NTRK3: variants seen among roughly 807,000 people sequenced by gnomAD.
NTRK3 encodes NT-3 growth factor receptor.
In NTRK3, 24 loss-of-function variants were observed where a neutral mutation model predicts 91.7. That is an observed-to-expected ratio of 0.26 (90% CI 0.19 to 0.37). The LOEUF is 0.37. NTRK3 is among the 10% of genes least tolerant of loss of function. NTRK3 has a pLI of 1.00. For missense variants in NTRK3, 880 were observed against 1,068.9 expected (o/e 0.82, Z 2.46); for synonymous variants, 483 against 404.0 (o/e 1.20, Z -2.34).
rs1488730988 is a variant in NTRK3, at chr15:88,088,374, G to A, written c.1396+37897C>T. Among the ~76,000 whole-genome samples, 4 of 152,134 alleles carry A rather than the reference G, an allele frequency of 2.6e-5. No individual in the cohort carries two copies. In the East Asian group the frequency reaches 7.7e-4, roughly 29 times the overall value. ...AACTTCAGAGGCATGAGATGTTTTT[G>A]CTCATCCTTTTGCCCCTGCACTCTG... On this transcript the variant is annotated intron_variant, in intron 13 of 18. Coordinates refer to ENST00000394480, the Ensembl canonical transcript of NTRK3.
chr15:88,027,729 C>A (rs1555470662), intron 14 of NTRK3, among the ~76,000 whole-genome samples: 1 of 152,168 alleles, frequency 6.6e-6, no homozygotes, highest in Non-Finnish European at 1.5e-5. Context: ...TCTGACACAT[C>A]TTAGTTAGCA....
At chr15:88,071,029 T>C (rs1597127262) in intron 13 of NTRK3, among the ~76,000 whole-genome samples, 1 of 152,232 alleles carries the variant, frequency 6.6e-6, no homozygotes, top group South Asian at 2.1e-4. Flanking sequence ...TTTTTTCTCT[T>C]GCTGTAGTAA....
chr15:88,182,433 A>C (rs1225322625), intron 5 of NTRK3, among the ~76,000 whole-genome samples: 1 of 152,070 alleles, frequency 6.6e-6, no homozygotes, highest in Non-Finnish European at 1.5e-5. Context: ...TCTCCAGCCC[A>C]GCTGCCCTCC....
intron 3 of NTRK3, among the ~76,000 whole-genome samples, chr15:88,232,869 G>A (rs1289698518): frequency 1.3e-5 from 2 of 152,110 alleles, no homozygotes; most frequent in Non-Finnish European, 1.5e-5. Flanking sequence ...GTGGAGTGAT[G>A]TCACTACCCC....
intron 13 of NTRK3, among the ~76,000 whole-genome samples, chr15:88,107,420 G>A (rs1049521381): frequency 9.2e-5 from 14 of 152,312 alleles, no homozygotes; most frequent in African/African-American, 3.1e-4. Context: ...TCCAGCCTGG[G>A]TGACAGAGTG....
At chr15:87,886,433 A>G (rs765732382) in intron 17 of NTRK3, among the ~76,000 whole-genome samples, 1 of 151,512 alleles carries the variant, frequency 6.6e-6, no homozygotes, top group Non-Finnish European at 1.5e-5. Flanking sequence ...AAAAGAATAT[A>G]GTAGAGCTAT....
intron 5 of NTRK3, among the ~76,000 whole-genome samples, chr15:88,160,023 A>G (rs549418777): frequency 6.7e-6 from 1 of 149,702 alleles, no homozygotes; most frequent in South Asian, 2.1e-4. Flanking sequence ...TGGTGAGCCT[A>G]GAGGACGACA....
At chr15:88,247,860 C>T (rs1042731866) in intron 3 of NTRK3, among the ~76,000 whole-genome samples, 2 of 151,824 alleles carry the variant, frequency 1.3e-5, no homozygotes, top group African/African-American at 4.8e-5. Flanking sequence ...GGGGTAAGGT[C>T]GCGGGGGGAT....
intron 6 of NTRK3, among the ~76,000 whole-genome samples, chr15:88,144,562 G>GTT (rs2042704941): frequency 6.6e-6 from 1 of 152,104 alleles, no homozygotes; most frequent in Admixed American, 6.5e-5. Flanking sequence ...AAGAGAAACA[G>GTT]CCTGGTCTTT....
Position 88,074,514 on chromosome 15 carries a change from C to T in NTRK3, c.1397-41469G>A, listed in dbSNP as rs2047367218. The stretch of plus-strand genomic sequence containing the variant: ...TCCCTGTCTCTGACATCAGGCTGAT[C>T]CTGTCCCCTGGATGACTCAAGCTCC... On this transcript the variant is annotated intron_variant, in intron 13 of 18. Transcript: ENST00000394480. 7.2e-5 allele frequency among the ~76,000 whole-genome samples: 11 copies of T among 152,322 alleles called. 2 individuals are homozygous for T. In the South Asian group the frequency reaches 2.1e-3, roughly 29 times the overall value.
chr15:88,097,671 TAA>T (rs1309513999), intron 13 of NTRK3, among the ~76,000 whole-genome samples: 1 of 152,250 alleles, frequency 6.6e-6, no homozygotes, highest in Non-Finnish European at 1.5e-5. Context: ...TGATTAAATT[TAA>T]AAAGACAGAT....
At chr15:88,054,808 T>C (rs1398528066) in intron 13 of NTRK3, among the ~76,000 whole-genome samples, 2 of 152,170 alleles carry the variant, frequency 1.3e-5, no homozygotes, top group East Asian at 3.9e-4. Context: ...ATTCAACAAG[T>C]GCTTACTATG....
Position 88,226,614 on chromosome 15 carries a change from G to T in NTRK3, c.248+29292C>A, listed in dbSNP as rs567997702. 5.6e-4 allele frequency among the ~76,000 whole-genome samples: 86 copies of T among 152,320 alleles called. 2 individuals carry two copies. The highest frequency in any genetic ancestry group is 6.8e-4 in the Non-Finnish European group (46 of 68,030). On this transcript the variant is annotated intron_variant, in intron 3 of 18. Transcript: ENST00000394480. ...TCAGGCCCCCACTGCCCTCCATCCT[G>T]ACATACCAGGGGGAGCACTGAGCCA...
At chr15:88,223,737 G>A (rs899452172) in intron 3 of NTRK3, among the ~76,000 whole-genome samples, 2 of 152,166 alleles carry the variant, frequency 1.3e-5, no homozygotes, top group African/African-American at 4.8e-5. Context: ...AGGATTCAGT[G>A]GGCTACTGCA....
chr15:87,968,938 T>C (rs959332365), intron 14 of NTRK3, among the ~76,000 whole-genome samples: 2 of 152,178 alleles, frequency 1.3e-5, no homozygotes, highest in Admixed American at 6.5e-5. Flanking sequence ...TCCCCCCAGC[T>C]TTACCACCAA....
At chr15:87,860,160 A>G (rs1425788891) in exon 19 of NTRK3, 2 of 222,178 alleles carry the variant, frequency 9.0e-6, no homozygotes, top group Non-Finnish European at 1.8e-5. Context: ...TTCAACACCC[A>G]TAGATTCCGA....
At chr15:88,015,743 A>G (rs1343381660) in intron 14 of NTRK3, among the ~76,000 whole-genome samples, 1 of 152,116 alleles carries the variant, frequency 6.6e-6, no homozygotes, top group East Asian at 1.9e-4. Flanking sequence ...GCAGCATAGT[A>G]GTTGCTCCAA....
chr15:87,947,898 T>A (rs2070730197), intron 14 of NTRK3, among the ~76,000 whole-genome samples: 1 of 152,048 alleles, frequency 6.6e-6, no homozygotes, highest in Non-Finnish European at 1.5e-5. Flanking sequence ...TCTGGGTGTT[T>A]GAAGTGGCAG....
chr15:88,095,872 A>G (rs964511921), intron 13 of NTRK3, among the ~76,000 whole-genome samples: 15 of 152,200 alleles, frequency 9.9e-5, no homozygotes, highest in African/African-American at 3.6e-4. Context: ...TTACATAACC[A>G]TAACACATTA....
Sources: allele counts gnomAD v4.1 joint callset (sites outside exome capture counted in the v4.1 genomes callset), GRCh38; gene constraint gnomAD v4.1.1; transcripts MANE v1.5; gene names NCBI Gene and HGNC (gene_info 2026-07-23, HGNC 2026-07-21).